Variants in AGO2 observed in about 807,000 individuals in gnomAD.
AGO2 encodes protein argonaute-2.
A neutral mutation model predicts 102.3 loss-of-function variants in AGO2; 5 were observed. The observed-to-expected ratio is 0.05, with a 90% CI of 0.03 to 0.10. The LOEUF (loss-of-function observed/expected upper bound fraction) is 0.10. AGO2 is among the 10% of genes least tolerant of loss of function. The pLI is 1.00. For synonymous variants in AGO2, 449 were observed against 473.1 expected, an observed-to-expected ratio of 0.95 and a Z score of 0.66; for missense variants, 541 against 1,183.7, an observed-to-expected ratio of 0.46 and a Z score of 7.97.
chr8:140,550,305 T>C (rs1464690769), intron 11 of AGO2, among the ~76,000 whole-genome samples: 1 of 152,224 alleles, frequency 6.6e-6, no homozygotes, highest in Non-Finnish European at 1.5e-5. Context: ...AGTTCTCCCC[T>C]GCTGCCCCCA....
At chr8:140,559,365 T>C in intron 6 of AGO2, 30 bp downstream of exon 6, 1 of 1,608,968 alleles carries the variant, frequency 6.2e-7, no homozygotes, top group Non-Finnish European at 8.5e-7. Context: ...CTCCCAGCCC[T>C]CAGCCAGGTG....
At chr8:140,558,605 G>C in intron 6 of AGO2, 33 bp from the exon 7 acceptor site, 1 of 1,608,552 alleles carries the variant, frequency 6.2e-7, no homozygotes, top group Non-Finnish European at 8.5e-7. Flanking sequence ...TCGGCATCGG[G>C]GCTGTCCCGA....
At chr8:140,634,788 T>G (rs1014577789) in intron 1 of AGO2, among the ~76,000 whole-genome samples, 4 of 152,104 alleles carry the variant, frequency 2.6e-5, no homozygotes, top group African/African-American at 9.7e-5. Context: ...GTTTGAGGGT[T>G]CCGGGGAGCC....
At chr8:140,562,708 G>C in intron 3 of AGO2, 74 bp from the exon 4 acceptor site, 3 of 1,544,246 alleles carry the variant, frequency 1.9e-6, no homozygotes, top group Non-Finnish European at 2.6e-6. Flanking sequence ...GGCAGTGGTT[G>C]GCTTCCAGAC....
At chr8:140,606,318 A>G (rs560089835) in intron 1 of AGO2, among the ~76,000 whole-genome samples, 43 of 152,358 alleles carry the variant, frequency 2.8e-4, no homozygotes, top group African/African-American at 9.6e-4. Flanking sequence ...CTGCGAGAGC[A>G]AGCGAGGAGC....
At chr8:140,604,804 G>A (rs2073974924) in intron 1 of AGO2, among the ~76,000 whole-genome samples, 1 of 149,346 alleles carries the variant, frequency 6.7e-6, no homozygotes, top group Non-Finnish European at 1.5e-5. Flanking sequence ...TCCAGCCTGG[G>A]CGACAGAGCG....
chr8:140,534,171 CAG>C (rs1465692661), intron 17 of AGO2, among the ~76,000 whole-genome samples: 2 of 152,218 alleles, frequency 1.3e-5, no homozygotes, highest in Admixed American at 6.5e-5. Flanking sequence ...GTGGCTGTCA[CAG>C]GGGCCCAGGG....
intron 1 of AGO2, among the ~76,000 whole-genome samples, chr8:140,600,443 A>C (rs2073915640): frequency 1.3e-5 from 2 of 152,030 alleles, no homozygotes; most frequent in Admixed American, 6.6e-5. Flanking sequence ...CATTTTGGGA[A>C]GCCGAGGCGG....
At chr8:140,541,501 G>T (rs896508435) in intron 14 of AGO2, 143 bp from the exon 15 acceptor site, 4 of 747,732 alleles carry the variant, frequency 5.3e-6, no homozygotes, top group Admixed American at 3.2e-5. Context: ...TGGCTGGCTG[G>T]GTGTGAACTC....
At chr8:140,631,263 C>T (rs758073862) in intron 1 of AGO2, among the ~76,000 whole-genome samples, 4 of 152,056 alleles carry the variant, frequency 2.6e-5, no homozygotes, top group African/African-American at 4.8e-5. Flanking sequence ...AGACGTAGGC[C>T]GGGCGTGGTG....
intron 1 of AGO2, among the ~76,000 whole-genome samples, chr8:140,601,756 G>A (rs2073936749): frequency 6.6e-6 from 1 of 152,310 alleles, no homozygotes; most frequent in South Asian, 2.1e-4. Flanking sequence ...CAAACACTAT[G>A]TAAATAGTTA....
intron 1 of AGO2, chr8:140,626,781 T>C (rs1340063763): frequency 6.6e-6 from 1 of 152,320 alleles, no homozygotes; most frequent in East Asian, 1.9e-4. Flanking sequence ...CTCATCACTC[T>C]TGGCATCTTC....
At chr8:140,564,165 A>G (rs1024645075) in intron 3 of AGO2, among the ~76,000 whole-genome samples, 5 of 152,244 alleles carry the variant, frequency 3.3e-5, no homozygotes, top group Non-Finnish European at 1.5e-5. Flanking sequence ...GCAGCAAGCC[A>G]CAGAAGGGCG....
At chr8:140,544,652 C>T (rs578086958) in intron 13 of AGO2, among the ~76,000 whole-genome samples, 14 of 152,258 alleles carry the variant, frequency 9.2e-5, no homozygotes, top group African/African-American at 3.1e-4. Flanking sequence ...GGTTTCTCAC[C>T]GCCACCCTTA....
At position 140,567,864 on chromosome 8, in the gene AGO2, C is replaced by A. The variant is rs180956837; in HGVS notation, c.336+4948G>T. Among the ~76,000 whole-genome samples the A allele has an allele frequency of 6.6e-6, 1 of 152,182 alleles. No homozygotes were observed. The highest frequency in any genetic ancestry group is 2.4e-5 in the African/African-American group (1 of 41,444). Reference sequence around the variant, plus strand: ...CAAAGAGGCCAGCCTGGGGCTCACGCCTGTAATCCCAGTACCGTGGGAGGC... The same window carrying A: ...CAAAGAGGCCAGCCTGGGGCTCACGACTGTAATCCCAGTACCGTGGGAGGC... On this transcript the variant is annotated intron_variant, in intron 3 of 18. Transcript: ENST00000220592. The surrounding 1 kb of genome is among the most constrained non-coding windows in gnomAD (Gnocchi z 5.0).
At chr8:140,544,360 T>G in intron 13 of AGO2, 57 bp from the exon 14 acceptor site, 1 of 1,443,446 alleles carries the variant, frequency 6.9e-7, no homozygotes, top group Non-Finnish European at 9.4e-7. Flanking sequence ...CCTCTGACGC[T>G]AGTAGGTGCC....
At chr8:140,581,917 C>T (rs1440352005) in intron 2 of AGO2, among the ~76,000 whole-genome samples, 2 of 152,258 alleles carry the variant, frequency 1.3e-5, no homozygotes, top group East Asian at 3.9e-4. Context: ...TGGCTTAGAA[C>T]ATTTTTACCA....
At chr8:140,628,267 T>A (rs1223895784) in intron 1 of AGO2, among the ~76,000 whole-genome samples, 1 of 152,216 alleles carries the variant, frequency 6.6e-6, no homozygotes, top group Non-Finnish European at 1.5e-5. Context: ...GGCTGCCAGA[T>A]GCACTGCCTC....
At chr8:140,586,658 T>C (rs1009910240) in intron 1 of AGO2, among the ~76,000 whole-genome samples, 7 of 151,604 alleles carry the variant, frequency 4.6e-5, no homozygotes, top group South Asian at 2.1e-4. Context: ...TGACAGGGAG[T>C]GGACATCACA....
Sources: allele counts gnomAD v4.1 joint callset (sites outside exome capture counted in the v4.1 genomes callset), GRCh38; gene constraint gnomAD v4.1.1; non-coding constraint Gnocchi (gnomAD v3.1); transcripts MANE v1.5; gene names NCBI Gene and HGNC (gene_info 2026-07-23, HGNC 2026-07-21).